Variants in SDHC observed in about 807,000 individuals in gnomAD.
SDHC encodes succinate dehydrogenase cytochrome b560 subunit, mitochondrial.
A neutral mutation model predicts 22.6 loss-of-function variants in SDHC; 11 were observed. The ratio of observed to expected loss-of-function variants is 0.49; its 90% CI spans 0.31 to 0.81. The LOEUF is 0.81. SDHC is among the 30% of genes least tolerant of loss of function. The pLI, the probability that SDHC is intolerant of heterozygous loss-of-function variation, is 0.05. For synonymous variants in SDHC, 80 were observed against 77.8 expected (o/e 1.03, Z -0.15); for missense variants, 160 against 212.0 (o/e 0.75, Z 1.52).
chr1:161,357,061 G>C (rs1198624113), intron 5 of SDHC, among the ~76,000 whole-genome samples: 1 of 151,824 alleles, frequency 6.6e-6, no homozygotes, highest in Admixed American at 6.6e-5. Flanking sequence ...CTCTTAAGTA[G>C]TTGGCGTTAT....
intron 1 of SDHC, among the ~76,000 whole-genome samples, chr1:161,318,747 T>G (rs1325584100): frequency 6.6e-6 from 1 of 152,096 alleles, no homozygotes; most frequent in African/African-American, 2.4e-5. Context: ...GTACTGTGGA[T>G]CCAAGGCCAG....
chr1:161,340,494 G>A (rs1671681154), intron 3 of SDHC, 100 bp from the exon 4 acceptor site: 22 of 961,454 alleles, frequency 2.3e-5, no homozygotes, highest in Admixed American at 2.0e-5. Flanking sequence ...AGAAAAAAAA[G>A]TGCCTATTTC....
chr1:161,347,034 A>C (rs2102349744), intron 4 of SDHC, among the ~76,000 whole-genome samples: 1 of 152,298 alleles, frequency 6.6e-6, no homozygotes, highest in East Asian at 1.9e-4. Flanking sequence ...TTCAATCCAC[A>C]GTTAGTTGTA....
intron 3 of SDHC, among the ~76,000 whole-genome samples, chr1:161,335,685 G>A (rs1426133748): frequency 6.6e-6 from 1 of 152,144 alleles, no homozygotes; most frequent in Non-Finnish European, 1.5e-5. Context: ...CTGGGTGCTA[G>A]ATGTGCTCAT....
intron 5 of SDHC, among the ~76,000 whole-genome samples, chr1:161,361,285 TTAGTAA>T (rs1017555212): frequency 1.8e-4 from 27 of 151,766 alleles, no homozygotes; most frequent in African/African-American, 6.0e-4. Flanking sequence ...ATGGCACCAC[TTAGTAA>T]TGGTAAATAT....
chr1:161,323,680 T>G lies in SDHC; in HGVS notation c.77+10T>G. ...AGCTCTGTATCAGAAAGTAAGTTTC[T>G]AAGTCTGGAGATTATTTATTTATTT... On this transcript the variant is annotated intron_variant, in intron 2 of 5. Transcript: ENST00000367975. 1 of 1,603,684 alleles carries G rather than the reference T, an allele frequency of 6.2e-7. No homozygotes were observed. Among genetic ancestry groups the G allele is most frequent in the Non-Finnish European group, 8.5e-7 (1 of 1,172,444 alleles).
chr1:161,361,414 C>T (rs1015778471), intron 5 of SDHC, among the ~76,000 whole-genome samples: 1 of 151,986 alleles, frequency 6.6e-6, no homozygotes. Context: ...TGTTCTAGAT[C>T]TCAGAGTATC....
Position 161,348,911 on chromosome 1 carries a change from A to G in SDHC, c.242-7766A>G, listed in dbSNP as rs556276657. On this transcript the variant is annotated intron_variant, in intron 4 of 5. Transcript: ENST00000367975. The stretch of plus-strand genomic sequence containing the variant: ...AGTCTATTTGACTTTTTCCTATAAA[A>G]GTCTAGTTGAATTTAGGTACATGCC... Among the ~76,000 whole-genome samples the G allele has an allele frequency of 5.1e-4, 76 of 148,938 alleles. No individual in the cohort carries two copies. The South Asian group carries it at 0.015, about 30-fold the overall frequency.
chr1:161,360,168 T>C (rs1672451776), intron 5 of SDHC, among the ~76,000 whole-genome samples: 1 of 152,084 alleles, frequency 6.6e-6, no homozygotes, highest in Admixed American at 6.6e-5. Flanking sequence ...AAATGAAGAC[T>C]GCTTTTGCCC....
chr1:161,339,969 C>T lies in SDHC; in HGVS notation c.180-625C>T, dbSNP rs182620986. On this transcript the variant is annotated intron_variant, in intron 3 of 5. Transcript: ENST00000367975. ...TGCTGGGATTACAGGCGTGAGGCAC[C>T]GCGCCTGGCCCAGGTTTGTATTTTT... 3.1e-3 allele frequency among the ~76,000 whole-genome samples: 474 copies of T among 151,982 alleles called. 4 individuals carry two copies. The highest frequency in any genetic ancestry group is 0.01 in the Middle Eastern group (3 of 294).
chr1:161,325,526 A>G (rs1329956715), intron 2 of SDHC, among the ~76,000 whole-genome samples: 1 of 151,944 alleles, frequency 6.6e-6, no homozygotes, highest in African/African-American at 2.4e-5. Flanking sequence ...CAAAAAATAC[A>G]AAAACTAGCT....
chr1:161,315,339 G>A (rs778509706), intron 1 of SDHC, among the ~76,000 whole-genome samples: 3 of 152,136 alleles, frequency 2.0e-5, no homozygotes, highest in Non-Finnish European at 4.4e-5. Context: ...GAGGGACTTT[G>A]TTTAGTTTTT....
intron 3 of SDHC, among the ~76,000 whole-genome samples, chr1:161,331,153 A>T (rs1333872169): frequency 6.6e-6 from 1 of 152,112 alleles, no homozygotes; most frequent in Non-Finnish European, 1.5e-5. Context: ...TACTAGTAAC[A>T]TGCTTAATTT....
rs1297888065 is a variant in SDHC at position 161,354,661 on chromosome 1, C to G, written c.242-2016C>G. Among the ~76,000 whole-genome samples, 3 of 72,230 alleles carry G rather than the reference C, an allele frequency of 4.2e-5. No individual in the cohort carries two copies. The Admixed American group carries it at 5.0e-4, about 12-fold the overall frequency. 47.4% of individuals were successfully genotyped at this position (72,230 alleles called of 152,430 possible). On this transcript the variant is annotated intron_variant, in intron 4 of 5. Transcript: ENST00000367975. ...CCATTTTACAGATGATGTCTTATTTCTTTGTGTGTGTGTGTGTGTGTGTGT... is the reference window on the plus strand; with the variant it reads ...CCATTTTACAGATGATGTCTTATTTGTTTGTGTGTGTGTGTGTGTGTGTGT...
chr1:161,360,757 T>G (rs1672480172), intron 5 of SDHC, among the ~76,000 whole-genome samples: 1 of 151,942 alleles, frequency 6.6e-6, no homozygotes, highest in South Asian at 2.1e-4. Context: ...TTTAACTCAA[T>G]TGGTAGAAAA....
intron 4 of SDHC, among the ~76,000 whole-genome samples, chr1:161,349,198 C>G (rs1354181853): frequency 6.6e-6 from 1 of 152,186 alleles, no homozygotes; most frequent in Non-Finnish European, 1.5e-5. Context: ...TGCTGTGGCT[C>G]ACGCTTGTAA....
intron 4 of SDHC, among the ~76,000 whole-genome samples, chr1:161,351,471 A>G (rs1000228570): frequency 6.6e-6 from 1 of 152,210 alleles, no homozygotes; most frequent in Non-Finnish European, 1.5e-5. Context: ...AATTCCTAAT[A>G]CAGGCTTGGT....
At chr1:161,358,468 C>T (rs1289950553) in intron 5 of SDHC, among the ~76,000 whole-genome samples, 1 of 151,952 alleles carries the variant, frequency 6.6e-6, no homozygotes, top group Non-Finnish European at 1.5e-5. Flanking sequence ...TCATCGTCTG[C>T]TCAAAACTGG....
chr1:161,325,918 C>A (rs975318867), intron 2 of SDHC, among the ~76,000 whole-genome samples: 41 of 151,924 alleles, frequency 2.7e-4, no homozygotes, highest in Non-Finnish European at 5.9e-5. Flanking sequence ...GCAGAGTTAT[C>A]GGCCTGGCAC....
Sources: gnomAD v4.1 joint callset for allele counts (sites outside exome capture counted in the v4.1 genomes callset) on GRCh38, gnomAD v4.1.1 for gene constraint, MANE v1.5 for transcripts, NCBI Gene and HGNC (gene_info 2026-07-23, HGNC 2026-07-21) for gene names.